GSE1: variants seen among roughly 807,000 people sequenced by gnomAD.
GSE1 encodes Gse1 coiled-coil protein.
Under a neutral mutation model 112.6 loss-of-function variants are expected in GSE1, and 32 were observed. The ratio of observed to expected loss-of-function variants is 0.28; its 90% confidence interval spans 0.21 to 0.38. The LOEUF (loss-of-function observed/expected upper bound fraction) is 0.38. Among genes scored for constraint, GSE1 ranks in the 10% least tolerant of loss-of-function variants. The pLI is 1.00. For missense variants in GSE1, 2,348 were observed against 1,699.2 expected (o/e 1.38, Z -6.71); for synonymous variants, 1,115 against 735.6 (o/e 1.52, Z -8.35).
At chr16:85,600,349 T>C (rs6540283) in intron 1 of GSE1, among the ~76,000 whole-genome samples, 14,742 of 152,064 alleles carry the variant, frequency 0.097, 2,340 homozygotes, top group African/African-American at 0.33. Flanking sequence ...TCCTCGATGC[T>C]TCCATGTGGG....
intron 1 of GSE1, among the ~76,000 whole-genome samples, chr16:85,305,811 C>T (rs1027200004): frequency 1.3e-5 from 2 of 152,036 alleles, no homozygotes; most frequent in Non-Finnish European, 2.9e-5. Context: ...CCTGGTGGAC[C>T]GCACATGGTG....
chr16:85,669,525 C>CT (rs772905209), intron 14 of GSE1, among the ~76,000 whole-genome samples: 4 of 152,190 alleles, frequency 2.6e-5, no homozygotes, highest in Non-Finnish European at 5.9e-5. Flanking sequence ...CCCGTGGAAT[C>CT]TTTGAGTTTA....
chr16:85,295,330 T>C (rs2045336834), intron 1 of GSE1, among the ~76,000 whole-genome samples: 1 of 152,214 alleles, frequency 6.6e-6, no homozygotes, highest in Non-Finnish European at 1.5e-5. Flanking sequence ...GGCGAAACCC[T>C]GTCTCTACTA....
At chr16:85,646,810 C>A (rs950788453) in intron 2 of GSE1, among the ~76,000 whole-genome samples, 2 of 151,994 alleles carry the variant, frequency 1.3e-5, no homozygotes, top group Admixed American at 6.6e-5. Flanking sequence ...GCTTCTGGAA[C>A]CCCAGGCCCA....
intron 1 of GSE1, among the ~76,000 whole-genome samples, chr16:85,570,454 C>G (rs928433481): frequency 2.0e-5 from 3 of 152,208 alleles, no homozygotes; most frequent in Non-Finnish European, 4.4e-5. Flanking sequence ...GGCACTTGAT[C>G]CCAGCCTGCA....
At chr16:85,309,499 C>CAAG (rs2045771875) in intron 1 of GSE1, among the ~76,000 whole-genome samples, 1 of 91,178 alleles carries the variant, frequency 1.1e-5, no homozygotes, top group Non-Finnish European at 2.8e-5. Context: ...GTCTCTAAAA[C>CAAG]AATAATAAAT....
chr16:85,491,546 G>A (rs1178165099), intron 2 of GSE1, among the ~76,000 whole-genome samples: 1 of 152,186 alleles, frequency 6.6e-6, no homozygotes, highest in African/African-American at 2.4e-5. Context: ...GGGTGCTGGG[G>A]CGCAGGGAGG....
At chr16:85,471,172 G>A (rs941842886) in intron 2 of GSE1, among the ~76,000 whole-genome samples, 2 of 152,126 alleles carry the variant, frequency 1.3e-5, no homozygotes, top group Admixed American at 6.5e-5. Context: ...GCCCAGAGAC[G>A]CCCAGTCCCT....
chr16:85,382,959 GCA>G (rs1210201683), intron 2 of GSE1, among the ~76,000 whole-genome samples: 6 of 147,378 alleles, frequency 4.1e-5, no homozygotes, highest in South Asian at 2.1e-4. Flanking sequence ...GCACACACGT[GCA>G]CACACATGCA....
intron 1 of GSE1, among the ~76,000 whole-genome samples, chr16:85,196,997 G>A (rs2074939979): frequency 6.6e-6 from 1 of 152,216 alleles, no homozygotes; most frequent in South Asian, 2.1e-4. Flanking sequence ...TATGGGACCT[G>A]CTGCTTATTT....
chr16:85,660,532 G>C (rs1053245750), intron 8 of GSE1, among the ~76,000 whole-genome samples: 2 of 152,140 alleles, frequency 1.3e-5, no homozygotes, highest in Admixed American at 1.3e-4. Context: ...CCAGCTACTC[G>C]GGAGGCTGAA....
At chr16:85,648,454 C>A in intron 2 of GSE1, 98 bp from the exon 3 acceptor site, 2 of 648,392 alleles carry the variant, frequency 3.1e-6, no homozygotes, top group Middle Eastern at 3.3e-4. Context: ...TGGGGCCTCA[C>A]TTGGAGCAGG....
intron 1 of GSE1, among the ~76,000 whole-genome samples, chr16:85,293,416 T>A (rs2045278524): frequency 6.6e-6 from 1 of 152,022 alleles, no homozygotes; most frequent in Non-Finnish European, 1.5e-5. Flanking sequence ...CGTGGTGGTG[T>A]GTGCCCGTAA....
At chr16:85,415,914 A>C (rs1164511086) in intron 2 of GSE1, among the ~76,000 whole-genome samples, 2 of 152,202 alleles carry the variant, frequency 1.3e-5, no homozygotes, top group Admixed American at 1.3e-4. Context: ...CTTGTGGCGG[A>C]CCCATCGAAG....
At chr16:85,305,438 C>T (rs1047136855) in intron 1 of GSE1, among the ~76,000 whole-genome samples, 6 of 151,102 alleles carry the variant, frequency 4.0e-5, no homozygotes, top group Admixed American at 1.3e-4. Context: ...GCATGAGCCA[C>T]ATGCCCAGCC....
intron 1 of GSE1, among the ~76,000 whole-genome samples, chr16:85,331,385 A>G (rs1022562097): frequency 3.8e-4 from 51 of 135,864 alleles, no homozygotes; most frequent in South Asian, 1.2e-3. Flanking sequence ...ATATATATGT[A>G]TATATATGTG....
intron 2 of GSE1, among the ~76,000 whole-genome samples, chr16:85,492,674 C>T (rs1280909036): frequency 6.6e-6 from 1 of 152,168 alleles, no homozygotes; most frequent in Non-Finnish European, 1.5e-5. Context: ...AGATTCAGCG[C>T]CCTTAAGTAG....
Position 85,663,513 on chromosome 16 carries a change from G to A in GSE1, c.2543G>A (p.Arg848His), listed in dbSNP as rs374695709. The A allele has an allele frequency of 5.0e-6, 8 of 1,613,762 alleles. No homozygotes were observed. The highest frequency in any genetic ancestry group is 2.2e-5 in the South Asian group (2 of 91,060). ...TCACCGAGACTGGCGCTGTCTACCC[G>A]CTACAGCCCTGATGAGATGAACAAC... ...TPSPRLALST[R>H]YSPDEMNNSP... The change falls in exon 11 of 16, where the codon CGC (arginine) becomes CAC (histidine). Residue 848 changes from arginine (R) to histidine (H), a missense_variant. Physicochemically the swap from Arg to His is conservative, Grantham distance 29. Transcript: ENST00000253458.
In GSE1 at chr16:85,655,061, G is replaced by A; in HGVS notation, c.797+70G>A. ...TCCTGGCAAGATGGAACCTGGCGGG[G>A]AAGGTGTTTCTTATGACCTGAGAGC... On this transcript the variant is annotated intron_variant, in intron 5 of 15. Transcript: ENST00000253458. 6.8e-6 allele frequency: 7 copies of A among 1,026,942 alleles called. No individual in the cohort carries two copies. In the South Asian group the frequency reaches 9.4e-5, roughly 14 times the overall value. The allele number at this position is 1,026,942 out of a possible 1,614,324, so 63.6% of individuals were successfully genotyped here.
Sources: allele counts gnomAD v4.1 joint callset (sites outside exome capture counted in the v4.1 genomes callset), GRCh38; gene constraint gnomAD v4.1.1; transcripts MANE v1.5; gene names NCBI Gene and HGNC (gene_info 2026-07-23, HGNC 2026-07-21).